The following MARCHF8 variants were observed in gnomAD, a reference collection of about 807,000 sequenced individuals.
MARCHF8 encodes the protein membrane associated ring-CH-type finger 8, also known as E3 ubiquitin-protein ligase MARCHF8.
In MARCHF8, 40 loss-of-function variants were observed where a neutral mutation model predicts 51.6. That is an observed-to-expected ratio of 0.77 (90% CI 0.60 to 1.01). The LOEUF is 1.01. Ranked by LOEUF, MARCHF8 falls within the 50% of genes least tolerant of loss-of-function variation. The pLI is 0.00. For missense variants in MARCHF8, 685 were observed against 708.6 expected (o/e 0.97, Z 0.38); for synonymous variants, 263 against 280.3 (o/e 0.94, Z 0.62).
At chr10:45,505,117 G>C (rs550484062) in intron 2 of MARCHF8, among the ~76,000 whole-genome samples, 1 of 152,284 alleles carries the variant, frequency 6.6e-6, no homozygotes, top group Admixed American at 6.5e-5. Flanking sequence ...GAATAAGAAA[G>C]AAGGATTGCC....
rs996709025 is a variant in MARCHF8 at position 45,583,433 on chromosome 10, T to C, written c.-79+10802A>G. Among the ~76,000 whole-genome samples the C allele has an allele frequency of 3.4e-4, 51 of 152,156 alleles. 1 individual carries two copies. Among genetic ancestry groups the C allele is most frequent in the African/African-American group, 1.1e-3 (46 of 41,420 alleles). On this transcript the variant is annotated intron_variant, in intron 1 of 6. Coordinates refer to the MARCHF8 transcript ENST00000319836. ...TATGAGAATGATCACTGTGACACCATTTTAAAAGATACAAATCAGAGCACA... is the reference window on the plus strand; with the variant it reads ...TATGAGAATGATCACTGTGACACCACTTTAAAAGATACAAATCAGAGCACA...
At chr10:45,588,014 C>A (rs952920223) in intron 1 of MARCHF8, among the ~76,000 whole-genome samples, 3 of 152,030 alleles carry the variant, frequency 2.0e-5, no homozygotes, top group Admixed American at 6.5e-5. Context: ...ATACCAAACA[C>A]CCTATCAACC....
intron 1 of MARCHF8, among the ~76,000 whole-genome samples, chr10:45,555,041 G>C (rs1173190120): frequency 6.6e-6 from 1 of 151,632 alleles, no homozygotes; most frequent in Non-Finnish European, 1.5e-5. Flanking sequence ...GCGACAGAGT[G>C]AGACTCTGTC....
At chr10:45,517,138 G>A (rs2043632956) in intron 2 of MARCHF8, among the ~76,000 whole-genome samples, 1 of 152,184 alleles carries the variant, frequency 6.6e-6, no homozygotes, top group African/African-American at 2.4e-5. Context: ...TGGAGTATCA[G>A]CTAGTTGACA....
intron 1 of MARCHF8, among the ~76,000 whole-genome samples, chr10:45,541,711 T>C (rs1209540217): frequency 2.0e-5 from 3 of 152,230 alleles, no homozygotes; most frequent in South Asian, 2.1e-4. Context: ...AACATTACAA[T>C]CATATAAGCA....
At chr10:45,520,902 G>A (rs1311922892) in intron 2 of MARCHF8, among the ~76,000 whole-genome samples, 5 of 152,188 alleles carry the variant, frequency 3.3e-5, no homozygotes, top group Admixed American at 3.3e-4. Context: ...CATTTCAACT[G>A]AAAGAAATCA....
intron 3 of MARCHF8, among the ~76,000 whole-genome samples, chr10:45,470,234 G>A (rs1290334088): frequency 6.6e-6 from 1 of 152,174 alleles, no homozygotes; most frequent in African/African-American, 2.4e-5. Flanking sequence ...GCTCTGGTCA[G>A]TCTCCCTCCT....
At position 45,503,361 on chromosome 10, in the gene MARCHF8, C is replaced by A. The variant is rs973552427; in HGVS notation, c.103-13944G>T. On this transcript the variant is annotated intron_variant, in intron 2 of 7. Transcript: ENST00000453424. ...GACCATCCTGGCCAACACGGTAAAA[C>A]CCCGTCTCTACTAAAAATACAAAAA... is the stretch of plus-strand genomic sequence containing the variant. Among the ~76,000 whole-genome samples the A allele has an allele frequency of 4.6e-5, 7 of 151,944 alleles. 1 individual carries two copies. Among genetic ancestry groups the A allele is most frequent in the Admixed American group, 1.3e-4 (2 of 15,252 alleles).
At chr10:45,491,240 CAA>C (rs1432925587) in intron 2 of MARCHF8, among the ~76,000 whole-genome samples, 1 of 152,078 alleles carries the variant, frequency 6.6e-6, no homozygotes, top group Non-Finnish European at 1.5e-5. Flanking sequence ...AAAGTATGCT[CAA>C]AGTGTTGGGA....
intron 1 of MARCHF8, among the ~76,000 whole-genome samples, chr10:45,552,513 G>A (rs2044207280): frequency 6.6e-6 from 1 of 152,152 alleles, no homozygotes; most frequent in South Asian, 2.1e-4. Flanking sequence ...TTTAAAGTCA[G>A]CTATCACGTC....
intron 2 of MARCHF8, among the ~76,000 whole-genome samples, chr10:45,508,755 T>C (rs1387392474): frequency 6.6e-6 from 1 of 152,244 alleles, no homozygotes; most frequent in East Asian, 1.9e-4. Context: ...AAGTTTATGC[T>C]CATCTGCTTT....
chr10:45,498,801 T>C (rs1209559633), intron 2 of MARCHF8, among the ~76,000 whole-genome samples: 1 of 152,212 alleles, frequency 6.6e-6, no homozygotes, highest in East Asian at 1.9e-4. Flanking sequence ...TTAAAACAAA[T>C]GTGAAACTAT....
rs1483320660 is a variant in MARCHF8 at position 45,594,112 on chromosome 10, AC to A, written c.-79+122del. 3 of 152,344 alleles carry A rather than the reference AC, an allele frequency of 2.0e-5. No homozygotes were observed. In the East Asian group the frequency reaches 5.8e-4, roughly 29 times the overall value. The allele number at this position is 152,344 out of a possible 1,614,324, so 9.4% of individuals were successfully genotyped here. A position where few individuals can be genotyped will look rare whatever the true frequency, so the allele number is the denominator to read the frequency against. On this transcript the variant is annotated intron_variant, in intron 1 of 6. Transcript: ENST00000319836. ...GAAAACGGTAACATAAACCATTATAACCCCCACCCAATAAGTTTTCTATTAA... is the reference window on the plus strand; with the variant it reads ...GAAAACGGTAACATAAACCATTATAACCCCACCCAATAAGTTTTCTATTAA...
chr10:45,489,527 T>C, intron 2 of MARCHF8, 110 bp from the exon 3 acceptor site: 1 of 1,020,226 alleles, frequency 9.8e-7, no homozygotes, highest in Admixed American at 2.1e-5. Flanking sequence ...GAACTAGAAT[T>C]TGCAAAGCAC....
At chr10:45,511,880 C>A (rs1328000049) in intron 2 of MARCHF8, among the ~76,000 whole-genome samples, 4 of 145,656 alleles carry the variant, frequency 2.7e-5, no homozygotes, top group Non-Finnish European at 6.0e-5. Context: ...TCGTCTGGGA[C>A]GTGAGGAGCC....
intron 2 of MARCHF8, among the ~76,000 whole-genome samples, chr10:45,518,863 T>C (rs1013207755): frequency 2.6e-5 from 4 of 152,238 alleles, no homozygotes; most frequent in Admixed American, 1.3e-4. Context: ...TTGGCCAGAA[T>C]GGCTCTAATA....
chr10:45,466,581 G>A (rs1842976443), intron 3 of MARCHF8, among the ~76,000 whole-genome samples: 1 of 152,064 alleles, frequency 6.6e-6, no homozygotes, highest in Non-Finnish European at 1.5e-5. Context: ...TTCAAGGGAT[G>A]GCAGCAGAGG....
intron 1 of MARCHF8, 90 bp from the exon 2 acceptor site, chr10:45,533,379 T>C (rs1405712990): frequency 2.9e-6 from 2 of 701,148 alleles, no homozygotes; most frequent in Non-Finnish European, 3.9e-6. Context: ...CTTATATTCA[T>C]ATGTATATTT....
chr10:45,576,974 GAA>G (rs58593536), intron 1 of MARCHF8, among the ~76,000 whole-genome samples: 7 of 120,404 alleles, frequency 5.8e-5, no homozygotes, highest in Non-Finnish European at 8.7e-5. Flanking sequence ...AAAGAGAAAA[GAA>G]AAAAAAAAAA....
Sources: gnomAD v4.1 joint callset for allele counts (sites outside exome capture counted in the v4.1 genomes callset) on GRCh38, gnomAD v4.1.1 for gene constraint, MANE v1.5 for transcripts, NCBI Gene and HGNC (gene_info 2026-07-23, HGNC 2026-07-21) for gene names.